Variants in ZFHX3 observed in about 807,000 individuals in gnomAD.
ZFHX3 encodes the protein zinc finger homeobox 3.
A neutral mutation model predicts 279.1 loss-of-function variants in ZFHX3; 42 were observed. The ratio of observed to expected loss-of-function variants is 0.15; its 90% confidence interval spans 0.12 to 0.19. ZFHX3 has a LOEUF of 0.19. Among genes scored for constraint, ZFHX3 ranks in the 10% least tolerant of loss-of-function variants. ZFHX3 has a pLI of 1.00. For missense variants in ZFHX3, 4,981 were observed against 4,754.0 expected (o/e 1.05, Z -1.40); for synonymous variants, 2,293 against 1,957.8 (o/e 1.17, Z -4.52).
rs182615734 is a variant in ZFHX3 at position 73,379,943 on chromosome 16, G to T, written c.-1290-61607C>A. Among the ~76,000 whole-genome samples, 268 of 152,292 alleles carry T rather than the reference G, an allele frequency of 1.8e-3. 2 individuals are homozygous for T. The highest frequency in any genetic ancestry group is 5.7e-3 in the African/African-American group (237 of 41,556). ...CCACCAGAAATTTTGGAGACTAAAA[G>T]CACAGTAACTGTGAAACTCCTGGAG... On this transcript the variant is annotated intron_variant, in intron 3 of 17. Transcript: ENST00000641206.
chr16:73,297,704 T>C (rs1013720145), intron 4 of ZFHX3, among the ~76,000 whole-genome samples: 1 of 151,964 alleles, frequency 6.6e-6, no homozygotes, highest in Middle Eastern at 3.2e-3. Context: ...GCTTTGGAGA[T>C]AGGGAGACCA....
At chr16:73,814,134 G>A (rs1960498904) in intron 1 of ZFHX3, among the ~76,000 whole-genome samples, 1 of 152,168 alleles carries the variant, frequency 6.6e-6, no homozygotes, top group South Asian at 2.1e-4. Flanking sequence ...AATGCTGAAT[G>A]GGATCTGTAC....
chr16:72,946,285 T>C (rs1053129855), intron 3 of ZFHX3, among the ~76,000 whole-genome samples: 5 of 152,182 alleles, frequency 3.3e-5, no homozygotes, highest in African/African-American at 9.7e-5. Flanking sequence ...CTGTGTGCCC[T>C]GTTGGCCCAC....
At chr16:73,130,830 A>C in intron 7 of ZFHX3, 1 of 559,086 alleles carries the variant, frequency 1.8e-6, no homozygotes. Flanking sequence ...CTGGTCTCGA[A>C]CTCCTGACCT....
intron 1 of ZFHX3, among the ~76,000 whole-genome samples, chr16:73,696,812 G>C (rs1453091757): frequency 6.6e-6 from 1 of 152,156 alleles, no homozygotes; most frequent in South Asian, 2.1e-4. Flanking sequence ...CATATCTTTA[G>C]TCTTCCCTGA....
intron 5 of ZFHX3, among the ~76,000 whole-genome samples, chr16:72,812,997 A>C (rs2036505040): frequency 6.6e-6 from 1 of 152,214 alleles, no homozygotes; most frequent in Non-Finnish European, 1.5e-5. Context: ...CAGTAGAGGC[A>C]AACACTTTGA....
At chr16:73,453,030 A>C (rs2018303764) in intron 3 of ZFHX3, among the ~76,000 whole-genome samples, 1 of 150,984 alleles carries the variant, frequency 6.6e-6, no homozygotes, top group Non-Finnish European at 1.5e-5. Context: ...TTACCTACCT[A>C]CAAACCCACC....
At chr16:73,301,758 C>CTTTT (rs559715399) in intron 4 of ZFHX3, among the ~76,000 whole-genome samples, 11,582 of 139,908 alleles carry the variant, frequency 0.083, 571 homozygotes, top group East Asian at 0.19. Context: ...TTGATTCCAG[C>CTTTT]TTTTTTTTTT....
At chr16:73,779,841 C>T (rs1959391673) in intron 1 of ZFHX3, among the ~76,000 whole-genome samples, 1 of 152,118 alleles carries the variant, frequency 6.6e-6, no homozygotes, top group African/African-American at 2.4e-5. Flanking sequence ...CCTCAGCCTC[C>T]CGAGTAACTG....
At chr16:73,252,401 T>C (rs1214562414) in intron 5 of ZFHX3, among the ~76,000 whole-genome samples, 2 of 151,780 alleles carry the variant, frequency 1.3e-5, no homozygotes, top group East Asian at 1.9e-4. Flanking sequence ...GCAGAACAGG[T>C]AGAGCAGTGG....
At chr16:72,828,053 C>T (rs554124292) in intron 5 of ZFHX3, among the ~76,000 whole-genome samples, 1 of 152,324 alleles carries the variant, frequency 6.6e-6, no homozygotes, top group East Asian at 1.9e-4. Flanking sequence ...CAATATTTCT[C>T]AGCCCTTCAG....
chr16:73,076,577 C>G (rs112176382), intron 8 of ZFHX3, among the ~76,000 whole-genome samples: 30 of 152,316 alleles, frequency 2.0e-4, no homozygotes, highest in African/African-American at 4.6e-4. Flanking sequence ...AGGGACTCAT[C>G]ATAAAAGTAA....
At chr16:72,859,864 G>A (rs2037840709) in intron 4 of ZFHX3, among the ~76,000 whole-genome samples, 1 of 152,166 alleles carries the variant, frequency 6.6e-6, no homozygotes, top group Non-Finnish European at 1.5e-5. Context: ...AGAGTTTACA[G>A]AAACAGGACT....
chr16:73,651,883 CTG>C (rs2052675775), intron 2 of ZFHX3, among the ~76,000 whole-genome samples: 3 of 149,682 alleles, frequency 2.0e-5, no homozygotes, highest in Admixed American at 2.0e-4. Flanking sequence ...GACAAATTGA[CTG>C]GACATCTGAC....
intron 4 of ZFHX3, among the ~76,000 whole-genome samples, chr16:73,294,577 G>A (rs573932284): frequency 3.9e-5 from 6 of 152,274 alleles, no homozygotes; most frequent in African/African-American, 1.4e-4. Flanking sequence ...TCGGGAGGCC[G>A]AGATGGGCAG....
At chr16:73,070,683 A>C (rs1353445979) in intron 8 of ZFHX3, among the ~76,000 whole-genome samples, 1 of 151,704 alleles carries the variant, frequency 6.6e-6, no homozygotes, top group Non-Finnish European at 1.5e-5. Flanking sequence ...CCACGTGACC[A>C]ATCCAGAAGG....
chr16:73,219,424 G>A (rs565826607), intron 5 of ZFHX3, among the ~76,000 whole-genome samples: 2 of 152,288 alleles, frequency 1.3e-5, no homozygotes, highest in Non-Finnish European at 2.9e-5. Flanking sequence ...GGGCAGGCCA[G>A]AAATAAAGCA....
At chr16:73,447,277 C>T (rs1182470832) in intron 3 of ZFHX3, among the ~76,000 whole-genome samples, 2 of 151,622 alleles carry the variant, frequency 1.3e-5, no homozygotes, top group Non-Finnish European at 2.9e-5. Context: ...AAAACACCAG[C>T]AACAGTCAAA....
intron 1 of ZFHX3, among the ~76,000 whole-genome samples, chr16:72,996,162 T>C (rs1963282072): frequency 6.6e-6 from 1 of 151,940 alleles, no homozygotes; most frequent in Non-Finnish European, 1.5e-5. Context: ...CGGGCACCTG[T>C]AATCTCAGCT....
Sources: gnomAD v4.1 joint callset for allele counts (sites outside exome capture counted in the v4.1 genomes callset) on GRCh38, gnomAD v4.1.1 for gene constraint, MANE v1.5 for transcripts, NCBI Gene and HGNC (gene_info 2026-07-23, HGNC 2026-07-21) for gene names.